Variants in ASTN2 observed in about 807,000 individuals in gnomAD.
ASTN2 encodes the protein astrotactin-2.
A neutral mutation model predicts 139.8 loss-of-function variants in ASTN2; 54 were observed. That is an observed-to-expected ratio of 0.39 (90% confidence interval 0.31 to 0.48). ASTN2 has a LOEUF of 0.48. ASTN2 is among the 20% of genes least tolerant of loss of function. ASTN2 has a pLI of 0.95. For missense variants in ASTN2, 1,565 were observed against 1,725.1 expected, an observed-to-expected ratio of 0.91 and a Z score of 1.64; for synonymous variants, 756 against 719.5, an observed-to-expected ratio of 1.05 and a Z score of -0.81.
intron 2 of ASTN2, among the ~76,000 whole-genome samples, chr9:117,248,320 G>A (rs1222541951): frequency 6.6e-6 from 1 of 152,226 alleles, no homozygotes; most frequent in African/African-American, 2.4e-5. Flanking sequence ...TGTGAGTTGA[G>A]TCAACAGTAG....
rs566391067 is a variant in ASTN2 at position 116,685,996 on chromosome 9, T to G, written c.2807-34203A>C. Reference sequence around the variant, plus strand: ...AAAAATTTTAAACGGGTGCAAAGTCTCCCCAACTGGTCTAAGTGAGAAATC... The same window carrying G: ...AAAAATTTTAAACGGGTGCAAAGTCGCCCCAACTGGTCTAAGTGAGAAATC... On this transcript the variant is annotated intron_variant, in intron 16 of 22. Transcript: ENST00000313400. Among the ~76,000 whole-genome samples the G allele has an allele frequency of 3.3e-5, 5 of 152,260 alleles. No individual in the cohort carries two copies. The East Asian group carries it at 9.6e-4, about 29-fold the overall frequency.
At chr9:116,857,081 T>C (rs1439775714) in intron 11 of ASTN2, among the ~76,000 whole-genome samples, 1 of 152,240 alleles carries the variant, frequency 6.6e-6, no homozygotes, top group South Asian at 2.1e-4. Flanking sequence ...GAAGTGAAGG[T>C]AATAATAATA....
rs903094609 is a variant in ASTN2, at chr9:116,959,949, C to T, written c.1889+15259G>A. ...CAGTCGCGAGCAGAGCTTTTGTGTG[C>T]GTGCCGGCTGCGCTCCCGTTGCCAT... On this transcript the variant is annotated intron_variant, in intron 10 of 22. Coordinates refer to ENST00000313400, the MANE Select transcript of ASTN2 (RefSeq NM_001365068.1). Among the ~76,000 whole-genome samples the T allele has an allele frequency of 3.3e-5, 5 of 152,116 alleles. No homozygotes were observed. In the South Asian group the frequency reaches 8.3e-4, roughly 25 times the overall value.
At chr9:116,549,190 C>T (rs532797958) in intron 19 of ASTN2, among the ~76,000 whole-genome samples, 4 of 141,678 alleles carry the variant, frequency 2.8e-5, no homozygotes, top group African/African-American at 1.1e-4. Flanking sequence ...ATAAAAAGAT[C>T]AGAGGAGGAG....
chr9:117,061,528 G>A (rs762424166), intron 5 of ASTN2, among the ~76,000 whole-genome samples: 4 of 152,008 alleles, frequency 2.6e-5, no homozygotes, highest in Non-Finnish European at 5.9e-5. Context: ...GTTTCCAGGT[G>A]CTCTTTTAGC....
intron 13 of ASTN2, among the ~76,000 whole-genome samples, chr9:116,767,151 T>TACAC (rs774180121): frequency 5.6e-4 from 55 of 97,742 alleles, no homozygotes; most frequent in Non-Finnish European, 9.3e-4. Context: ...CAATCCTACA[T>TACAC]ATACACACAC....
At chr9:116,448,794 A>G (rs1171136124) in intron 20 of ASTN2, among the ~76,000 whole-genome samples, 2 of 152,206 alleles carry the variant, frequency 1.3e-5, no homozygotes, top group Non-Finnish European at 2.9e-5. Context: ...ATCAAGTACT[A>G]TATCTTTTCC....
chr9:117,074,434 G>T (rs1436767508), intron 5 of ASTN2, among the ~76,000 whole-genome samples: 2 of 152,204 alleles, frequency 1.3e-5, no homozygotes, highest in Admixed American at 6.5e-5. Flanking sequence ...GGACATTTAG[G>T]TTTTATTAGA....
intron 2 of ASTN2, among the ~76,000 whole-genome samples, chr9:117,228,931 G>A (rs1832800276): frequency 6.6e-6 from 1 of 152,238 alleles, no homozygotes; most frequent in South Asian, 2.1e-4. Flanking sequence ...TTGAACCTGG[G>A]AGGCGGAGGT....
chr9:116,805,762 C>T lies in ASTN2; in HGVS notation c.2266G>A (p.Val756Ile). ...DGKSCLMLSD[V>I]CEGPKCLKPD... ...TTGAGGCACTTGGGGCCCTCGCAGACATCTGAGAGCATTAAGCAGGATTTT... is the reference window on the plus strand; with the variant it reads ...TTGAGGCACTTGGGGCCCTCGCAGATATCTGAGAGCATTAAGCAGGATTTT... The change falls in exon 13 of 23, where the codon GTC (valine) becomes ATC (isoleucine). Residue 756 changes from valine (V) to isoleucine (I), a missense_variant. Physicochemically the swap from Val to Ile is conservative, Grantham distance 29 (BLOSUM62 3). Coordinates refer to ENST00000313400, the MANE Select transcript of ASTN2 (RefSeq NM_001365068.1). 4 of 1,613,910 alleles carry T rather than the reference C, an allele frequency of 2.5e-6. No individual in the cohort carries two copies. The highest frequency in any genetic ancestry group is 1.7e-5 in the Admixed American group (1 of 60,020).
rs116732719 is a variant in ASTN2, at chr9:117,091,233, C to T, written c.1276+4811G>A. On this transcript the variant is annotated intron_variant, in intron 5 of 22. Transcript: ENST00000313400. ...GCCTCCATCCTGAACACCTATAAGC[C>T]AAACACTGTGCAGGTGTTTCTTTCA... Among the ~76,000 whole-genome samples the T allele has an allele frequency of 6.2e-3, 952 of 152,322 alleles. 7 individuals are homozygous for T. Among genetic ancestry groups the T allele is most frequent in the African/African-American group, 0.02 (816 of 41,568 alleles).
intron 19 of ASTN2, chr9:116,582,701 A>T (rs770230417): frequency 5.9e-5 from 9 of 152,346 alleles, no homozygotes; most frequent in Middle Eastern, 3.4e-3. Context: ...ATGAGAAAAG[A>T]TCTATCAGGA....
At chr9:116,798,411 C>A (rs1830756350) in intron 13 of ASTN2, among the ~76,000 whole-genome samples, 1 of 152,172 alleles carries the variant, frequency 6.6e-6, no homozygotes, top group African/African-American at 2.4e-5. Flanking sequence ...TTCTCAGAGG[C>A]TGCAATATGA....
chr9:117,349,094 C>G (rs1171253174), intron 1 of ASTN2, among the ~76,000 whole-genome samples: 1 of 152,168 alleles, frequency 6.6e-6, no homozygotes, highest in East Asian at 1.9e-4. Flanking sequence ...TTGATCATCA[C>G]GGACCTGGGT....
intron 5 of ASTN2, among the ~76,000 whole-genome samples, chr9:117,066,334 C>A (rs1330668176): frequency 6.7e-6 from 1 of 148,732 alleles, no homozygotes. Flanking sequence ...CATGTCCCTA[C>A]AAAGGACATG....
chr9:116,680,279 A>G (rs1377336237), intron 16 of ASTN2, among the ~76,000 whole-genome samples: 1 of 152,226 alleles, frequency 6.6e-6, no homozygotes, highest in African/African-American at 2.4e-5. Context: ...TCTAGAAGAA[A>G]TGGATAAATT....
chr9:116,729,207 A>G (rs1828713554), intron 14 of ASTN2, 111 bp from the exon 15 acceptor site: 8 of 779,590 alleles, frequency 1.0e-5, no homozygotes, highest in South Asian at 3.6e-5. Flanking sequence ...TTGAAGTACA[A>G]CTTTCACTGG....
At chr9:117,356,826 G>T (rs1006897583) in intron 1 of ASTN2, among the ~76,000 whole-genome samples, 1 of 152,142 alleles carries the variant, frequency 6.6e-6, no homozygotes, top group Non-Finnish European at 1.5e-5. Context: ...CATTTGGGAG[G>T]CTGAGGTGGG....
chr9:116,800,952 G>T (rs1830829489), intron 13 of ASTN2, among the ~76,000 whole-genome samples: 1 of 152,188 alleles, frequency 6.6e-6, no homozygotes, highest in South Asian at 2.1e-4. Flanking sequence ...TATATCAGCA[G>T]TTGCTAGGTG....
Sources: allele counts gnomAD v4.1 joint callset (sites outside exome capture counted in the v4.1 genomes callset), GRCh38; gene constraint gnomAD v4.1.1; transcripts MANE v1.5; gene names NCBI Gene and HGNC (gene_info 2026-07-23, HGNC 2026-07-21).